RASAL2: variants seen among roughly 807,000 people sequenced by gnomAD.
RASAL2 encodes the protein ras GTPase-activating protein nGAP.
Under a neutral mutation model 128.9 loss-of-function variants are expected in RASAL2, and 58 were observed. The observed-to-expected ratio is 0.45, with a 90% CI of 0.36 to 0.56. The LOEUF (loss-of-function observed/expected upper bound fraction) is 0.56. Among genes scored for constraint, RASAL2 ranks in the 20% least tolerant of loss-of-function variants. The pLI, the probability that RASAL2 is intolerant of heterozygous loss-of-function variation, is 0.00. For synonymous variants in RASAL2, 561 were observed against 580.8 expected (o/e 0.97, Z 0.49); for missense variants, 1,360 against 1,601.6 (o/e 0.85, Z 2.57).
At position 178,475,707 on chromosome 1, in the gene RASAL2, T is replaced by C. The variant is rs1236825470; in HGVS notation, c.*2468T>C. On this transcript the variant is annotated 3_prime_UTR_variant, in exon 18 of 18. Coordinates refer to ENST00000367649, the MANE Select transcript of RASAL2 (RefSeq NM_170692.4). The stretch of plus-strand genomic sequence containing the variant: ...GATAGAGTGTATCTTATTAGCATTA[T>C]GGGAGCTCCTTAGAGGGCTGTCTTC... 1 of 152,054 alleles carries C rather than the reference T, an allele frequency of 6.6e-6. No individual in the cohort carries two copies. 9.4% of individuals were successfully genotyped at this position (152,054 alleles called of 1,614,324 possible).
chr1:178,171,116 A>T (rs1242470758), intron 1 of RASAL2, among the ~76,000 whole-genome samples: 1 of 152,018 alleles, frequency 6.6e-6, no homozygotes, highest in African/African-American at 2.4e-5. Context: ...AAAATTCCAC[A>T]GAACGTATGG....
At chr1:178,319,541 ATTTCATCTTCCATTGCTGATACCCTT>A (rs1050998003) in intron 3 of RASAL2, among the ~76,000 whole-genome samples, 2 of 148,526 alleles carry the variant, frequency 1.3e-5, no homozygotes, top group Non-Finnish European at 3.0e-5. Flanking sequence ...CATTTCATTC[ATTTCATCTTCCATTGCTGATACCCTT>A]TCTTCCAGTT....
intron 12 of RASAL2, among the ~76,000 whole-genome samples, chr1:178,455,327 A>C (rs1408761433): frequency 6.6e-6 from 1 of 152,244 alleles, no homozygotes; most frequent in East Asian, 1.9e-4. Context: ...GGCTTATTAC[A>C]ATAATTATTT....
chr1:178,327,446 A>T (rs570330838), intron 3 of RASAL2, among the ~76,000 whole-genome samples: 1 of 152,226 alleles, frequency 6.6e-6, no homozygotes, highest in South Asian at 2.1e-4. Context: ...CTTGAGTTCA[A>T]GCAATCCTCC....
chr1:178,423,283 T>G (rs1675279820), intron 5 of RASAL2, among the ~76,000 whole-genome samples: 1 of 152,150 alleles, frequency 6.6e-6, no homozygotes, highest in Admixed American at 6.6e-5. Context: ...TGCCTTTTTG[T>G]ACTGGTGGCT....
intron 5 of RASAL2, among the ~76,000 whole-genome samples, chr1:178,427,665 C>T (rs1013697711): frequency 6.6e-6 from 1 of 152,084 alleles, no homozygotes; most frequent in Non-Finnish European, 1.5e-5. Context: ...CCCCAGCTTT[C>T]CCCAATAGTG....
intron 1 of RASAL2, among the ~76,000 whole-genome samples, chr1:178,263,509 G>C (rs1483678223): frequency 6.6e-6 from 1 of 152,156 alleles, no homozygotes; most frequent in Non-Finnish European, 1.5e-5. Flanking sequence ...TTAACCACTT[G>C]ACCTTCATGC....
At chr1:178,285,823 G>C (rs546123472) in intron 2 of RASAL2, among the ~76,000 whole-genome samples, 10 of 152,092 alleles carry the variant, frequency 6.6e-5, no homozygotes, top group Admixed American at 5.2e-4. Context: ...ATTCAATTTA[G>C]TACTGTAAGA....
chr1:178,396,865 G>T (rs974656014), intron 4 of RASAL2, among the ~76,000 whole-genome samples: 7 of 146,574 alleles, frequency 4.8e-5, no homozygotes, highest in African/African-American at 7.5e-5. Context: ...TTGAATAGAT[G>T]TTTCTCCAAA....
chr1:178,236,937 T>C (rs1471223733), intron 1 of RASAL2, among the ~76,000 whole-genome samples: 1 of 151,958 alleles, frequency 6.6e-6, no homozygotes, highest in Non-Finnish European at 1.5e-5. Flanking sequence ...CTAATTTTTG[T>C]ATTTTTAGTA....
chr1:178,161,326 A>G (rs1661286070), intron 1 of RASAL2, among the ~76,000 whole-genome samples: 1 of 152,114 alleles, frequency 6.6e-6, no homozygotes, highest in African/African-American at 2.4e-5. Context: ...TTCTGTCTTT[A>G]TGGAGTTGCC....
chr1:178,154,547 G>A (rs377477217), intron 1 of RASAL2, among the ~76,000 whole-genome samples: 24 of 152,198 alleles, frequency 1.6e-4, no homozygotes, highest in Admixed American at 4.6e-4. Context: ...CTTTCTCCAC[G>A]TCCTTGACAA....
chr1:178,403,902 A>G (rs565827047), intron 4 of RASAL2, among the ~76,000 whole-genome samples: 16 of 152,292 alleles, frequency 1.1e-4, no homozygotes, highest in Middle Eastern at 3.4e-3. Flanking sequence ...CAACCAATGA[A>G]TCAATTGAGA....
chr1:178,408,586 TG>T (rs1469611210), intron 4 of RASAL2, among the ~76,000 whole-genome samples: 2 of 151,910 alleles, frequency 1.3e-5, no homozygotes, highest in African/African-American at 4.8e-5. Context: ...GGTTTTTTGT[TG>T]TTGTTGTTTG....
chr1:178,313,489 ATT>A (rs567555813), intron 3 of RASAL2, among the ~76,000 whole-genome samples: 2 of 145,126 alleles, frequency 1.4e-5, no homozygotes, highest in Non-Finnish European at 3.0e-5. Context: ...CTGTGTGCAC[ATT>A]TTTTTTTTTT....
intron 1 of RASAL2, 65 bp downstream of exon 1, chr1:178,094,759 C>A: frequency 6.3e-7 from 1 of 1,581,724 alleles, no homozygotes; most frequent in South Asian, 1.1e-5. Context: ...AAATTCATTC[C>A]CTAAGTCACA....
At chr1:178,094,826 T>C in intron 1 of RASAL2, 132 bp downstream of exon 1, 2 of 1,115,514 alleles carry the variant, frequency 1.8e-6, no homozygotes, top group Non-Finnish European at 2.5e-6. Flanking sequence ...CTTTTTGTTC[T>C]GGGGGTGCAT....
intron 4 of RASAL2, among the ~76,000 whole-genome samples, chr1:178,409,795 A>G (rs1674241741): frequency 6.6e-6 from 1 of 152,190 alleles, no homozygotes; most frequent in Non-Finnish European, 1.5e-5. Context: ...GCAATGGGCA[A>G]CTGGGCATGA....
rs201553278 is a variant in RASAL2 at position 178,451,532 on chromosome 1, C to G, written c.1628-39C>G. The G allele has an allele frequency of 6.5e-4, 1,028 of 1,586,920 alleles. 3 individuals carry two copies. Among genetic ancestry groups the G allele is most frequent in the Middle Eastern group, 2.5e-3 (15 of 5,926 alleles). ...TCCTTTTATTCTATTCAGGAAGACACTGTTTATAGCTATACCGTTATCTTC... is the reference window on the plus strand; with the variant it reads ...TCCTTTTATTCTATTCAGGAAGACAGTGTTTATAGCTATACCGTTATCTTC... On this transcript the variant is annotated intron_variant, in intron 9 of 17. Transcript: ENST00000367649.
Sources: allele counts gnomAD v4.1 joint callset (sites outside exome capture counted in the v4.1 genomes callset), GRCh38; gene constraint gnomAD v4.1.1; transcripts MANE v1.5; gene names NCBI Gene and HGNC (gene_info 2026-07-23, HGNC 2026-07-21).